The following PLAC9 variants were observed in gnomAD, a reference collection of about 807,000 sequenced individuals.
The protein encoded by PLAC9 is placenta associated 9.
In PLAC9, 12 loss-of-function variants were observed where a neutral mutation model predicts 11.5. The observed-to-expected ratio is 1.05, with a 90% CI of 0.67 to 1.69. The LOEUF (loss-of-function observed/expected upper bound fraction) is 1.69. PLAC9 is among the 40% of genes most tolerant of loss of function. The pLI, the probability that PLAC9 is intolerant of heterozygous loss-of-function variation, is 0.00. For synonymous variants in PLAC9, 62 were observed against 58.1 expected, an observed-to-expected ratio of 1.07 and a Z score of -0.31; for missense variants, 132 against 130.5, an observed-to-expected ratio of 1.01 and a Z score of -0.06.
At chr10:80,134,738 T>C (rs2784767) in intron 1 of PLAC9, among the ~76,000 whole-genome samples, 78,230 of 152,054 alleles carry the variant, frequency 0.51, 21,181 homozygotes, top group Non-Finnish European at 0.6. Flanking sequence ...CATATCTTTT[T>C]GCAATTCATT....
intron 1 of PLAC9, among the ~76,000 whole-genome samples, chr10:80,138,047 T>C (rs1219473490): frequency 1.3e-5 from 2 of 152,198 alleles, no homozygotes; most frequent in African/African-American, 4.8e-5. Context: ...TCTGAATATT[T>C]TACATGAATG....
chr10:80,139,385 G>C (rs1395915918), intron 1 of PLAC9, among the ~76,000 whole-genome samples: 1 of 151,962 alleles, frequency 6.6e-6, no homozygotes, highest in African/African-American at 2.4e-5. Flanking sequence ...TGGATTCCAG[G>C]CCTCCTCTCC....
intron 1 of PLAC9, among the ~76,000 whole-genome samples, chr10:80,136,907 T>C (rs1258649164): frequency 6.6e-6 from 1 of 152,288 alleles, no homozygotes; most frequent in East Asian, 1.9e-4. Flanking sequence ...AGGCCTACCC[T>C]ACCCCATTTT....
At chr10:80,144,177 C>T (rs766387097) in intron 2 of PLAC9, 46 bp from the exon 3 acceptor site, 1 of 1,613,674 alleles carries the variant, frequency 6.2e-7, no homozygotes, top group East Asian at 2.2e-5. Context: ...TGAAGCGGAA[C>T]GTGGAACCAC....
chr10:80,131,841 A>G (rs948874664), upstream of PLAC9: 5 of 152,268 alleles, frequency 3.3e-5, no homozygotes, highest in Admixed American at 2.0e-4. Flanking sequence ...GGTAATCCCA[A>G]CGGGGACCCT....
At chr10:80,144,612 A>G (rs1490108026) in intron 3 of PLAC9, among the ~76,000 whole-genome samples, 3 of 150,570 alleles carry the variant, frequency 2.0e-5, no homozygotes, top group African/African-American at 7.3e-5. Flanking sequence ...CCCTGCGCGG[A>G]GAAACTGCCT....
intron 1 of PLAC9, 37 bp from the exon 2 acceptor site, chr10:80,142,045 T>A (rs1311878727): frequency 6.4e-7 from 1 of 1,559,746 alleles, no homozygotes; most frequent in Admixed American, 1.7e-5. Flanking sequence ...TATGGAAAAC[T>A]AAGGGTCCCA....
chr10:80,142,292 C>T, intron 2 of PLAC9, 113 bp downstream of exon 2: 1 of 837,720 alleles, frequency 1.2e-6, no homozygotes, highest in Non-Finnish European at 1.8e-6. Flanking sequence ...GCCGATCCTG[C>T]CCTGTGGCCA....
chr10:80,132,566 C>T, upstream of PLAC9: 3 of 453,834 alleles, frequency 6.6e-6, no homozygotes, highest in Non-Finnish European at 1.2e-5. Context: ...CCTCAGCTCC[C>T]GGGGTCTCTG....
At chr10:80,133,892 C>T (rs903541141) in intron 1 of PLAC9, among the ~76,000 whole-genome samples, 1 of 143,724 alleles carries the variant, frequency 7.0e-6, no homozygotes, top group Non-Finnish European at 1.5e-5. Context: ...TGCAGTGAGC[C>T]GAGATCAAGC....
chr10:80,138,027 C>CAT (rs1564588938), intron 1 of PLAC9, among the ~76,000 whole-genome samples: 2 of 151,960 alleles, frequency 1.3e-5, no homozygotes, highest in African/African-American at 4.8e-5. Flanking sequence ...CCCCCAGGGG[C>CAT]CTCTCTCTCT....
At position 80,141,724 on chromosome 10, in the gene PLAC9, G is replaced by A. The variant is rs1480460326; in HGVS notation, c.65-358G>A. ...CTTCCCTCTCCAGTCTCTCTCTCCC[G>A]CCCACCCTGTATCTCCAGCCACCGC... On this transcript the variant is annotated intron_variant, in intron 1 of 3. Coordinates refer to ENST00000372263, the MANE Select transcript of PLAC9 (RefSeq NM_001012973.3). Among the ~76,000 whole-genome samples, 6 of 152,118 alleles carry A rather than the reference G, an allele frequency of 3.9e-5. No homozygotes were observed. The South Asian group carries it at 6.2e-4, about 16-fold the overall frequency.
intron 1 of PLAC9, among the ~76,000 whole-genome samples, chr10:80,138,396 C>G (rs1297017872): frequency 6.6e-6 from 1 of 152,172 alleles, no homozygotes; most frequent in African/African-American, 2.4e-5. Flanking sequence ...ATGTCCTCCT[C>G]CCTCCCCAGA....
At chr10:80,135,364 C>A (rs867655179) in intron 1 of PLAC9, among the ~76,000 whole-genome samples, 1 of 105,456 alleles carries the variant, frequency 9.5e-6, no homozygotes, top group South Asian at 3.3e-4. Context: ...CTTGTTTTGT[C>A]ATCCAGGCTG....
chr10:80,140,916 C>T (rs1178525651), intron 1 of PLAC9, among the ~76,000 whole-genome samples: 1 of 152,168 alleles, frequency 6.6e-6, no homozygotes, highest in Non-Finnish European at 1.5e-5. Flanking sequence ...AATTTATTGG[C>T]CCTCTTCTTG....
chr10:80,145,359 A>T lies in PLAC9; in HGVS notation c.*449A>T, dbSNP rs887855060. 3.5e-5 allele frequency: 8 copies of T among 226,978 alleles called. No homozygotes were observed. Among genetic ancestry groups the T allele is most frequent in the African/African-American group, 1.7e-4 (7 of 42,356 alleles). 14.1% of individuals were successfully genotyped at this position (226,978 alleles called of 1,614,324 possible). ...AAGTGGTTTGTTGTTGTTTTTAAAA[A>T]TTTTTCCTATGAAGTGAAATTCAAT... On this transcript the variant is annotated 3_prime_UTR_variant, in exon 4 of 4. Coordinates refer to ENST00000372263, the MANE Select transcript of PLAC9 (RefSeq NM_001012973.3).
intron 2 of PLAC9, 52 bp downstream of exon 2, chr10:80,142,231 G>C: frequency 6.8e-7 from 1 of 1,480,444 alleles, no homozygotes. Context: ...CTTCTAGGAT[G>C]GTGTTTTTAT....
At chr10:80,137,251 A>G (rs1177051659) in intron 1 of PLAC9, among the ~76,000 whole-genome samples, 1 of 152,206 alleles carries the variant, frequency 6.6e-6, no homozygotes, top group Non-Finnish European at 1.5e-5. Flanking sequence ...TTTTGGAGCC[A>G]AGTTAGACCT....
chr10:80,141,921 G>C (rs969365173), intron 1 of PLAC9, among the ~76,000 whole-genome samples, 161 bp from the exon 2 acceptor site: 1 of 151,928 alleles, frequency 6.6e-6, no homozygotes, highest in Non-Finnish European at 1.5e-5. Context: ...TGGTGGGATT[G>C]AGATGGCTGA....
Sources: allele counts gnomAD v4.1 joint callset (sites outside exome capture counted in the v4.1 genomes callset), GRCh38; gene constraint gnomAD v4.1.1; transcripts MANE v1.5; gene names NCBI Gene and HGNC (gene_info 2026-07-23, HGNC 2026-07-21).